PPM1E: variants seen among roughly 807,000 people sequenced by gnomAD.
PPM1E encodes protein phosphatase 1E.
A neutral mutation model predicts 65.9 loss-of-function variants in PPM1E; 20 were observed. The ratio of observed to expected loss-of-function variants is 0.30; its 90% CI spans 0.21 to 0.44. The LOEUF (loss-of-function observed/expected upper bound fraction) is 0.44, where lower values mean the gene tolerates loss of function less well. Ranked by LOEUF, PPM1E falls within the 20% of genes least tolerant of loss-of-function variation. PPM1E has a pLI of 1.00. For synonymous variants in PPM1E, 352 were observed against 374.9 expected, an observed-to-expected ratio of 0.94 and a Z score of 0.70; for missense variants, 713 against 953.1, an observed-to-expected ratio of 0.75 and a Z score of 3.32.
intron 1 of PPM1E, among the ~76,000 whole-genome samples, chr17:58,932,159 T>C (rs886871840): frequency 1.3e-5 from 2 of 151,812 alleles, no homozygotes; most frequent in African/African-American, 4.8e-5. Flanking sequence ...GGGTGAGAGA[T>C]AGTAGGAAGT....
chr17:58,870,038 G>A (rs1281054194), intron 1 of PPM1E, among the ~76,000 whole-genome samples: 2 of 152,138 alleles, frequency 1.3e-5, no homozygotes, highest in African/African-American at 4.8e-5. Context: ...CTACCTTTGA[G>A]CATGGTTGAT....
chr17:58,830,523 G>T (rs2050593142), intron 1 of PPM1E, among the ~76,000 whole-genome samples: 1 of 151,840 alleles, frequency 6.6e-6, no homozygotes, highest in African/African-American at 2.4e-5. Context: ...AGCCAGGATG[G>T]TCTCAATCTC....
chr17:58,946,177 C>T (rs1250169618), intron 1 of PPM1E, among the ~76,000 whole-genome samples: 4 of 152,092 alleles, frequency 2.6e-5, no homozygotes, highest in East Asian at 3.9e-4. Flanking sequence ...GATTTAGAAG[C>T]TCTATGTCAG....
At chr17:58,830,497 G>A (rs1462633339) in intron 1 of PPM1E, among the ~76,000 whole-genome samples, 6 of 150,976 alleles carry the variant, frequency 4.0e-5, no homozygotes, top group Admixed American at 2.0e-4. Flanking sequence ...TAGTAGAGAC[G>A]GGGTTTCACC....
chr17:58,801,474 T>C (rs2143053453), intron 1 of PPM1E, among the ~76,000 whole-genome samples: 1 of 150,668 alleles, frequency 6.6e-6, no homozygotes, highest in African/African-American at 2.4e-5. Flanking sequence ...TGGAGTCTCT[T>C]TCTATTGCCT....
At chr17:58,972,624 T>C (rs567541521) in intron 5 of PPM1E, among the ~76,000 whole-genome samples, 3 of 152,220 alleles carry the variant, frequency 2.0e-5, no homozygotes, top group Non-Finnish European at 4.4e-5. Flanking sequence ...GTACTGGGAT[T>C]ATAGGCGTGA....
rs374550322 is a variant in PPM1E, at chr17:58,891,312, A to G, written c.465-64337A>G. On this transcript the variant is annotated intron_variant, in intron 1 of 6. Coordinates refer to ENST00000308249, the MANE Select transcript of PPM1E (RefSeq NM_014906.5). ...GAATGAATCAATAAGCCTCTCTGCA[A>G]ATGGATTTATTATTATTATTATTAT... Among the ~76,000 whole-genome samples the G allele has an allele frequency of 2.6e-5, 4 of 151,676 alleles. No homozygotes were observed. The East Asian group carries it at 7.7e-4, about 29-fold the overall frequency.
At chr17:58,772,070 A>G (rs2049944399) in intron 1 of PPM1E, among the ~76,000 whole-genome samples, 1 of 152,190 alleles carries the variant, frequency 6.6e-6, no homozygotes, top group African/African-American at 2.4e-5. Flanking sequence ...CCAAGGTCAC[A>G]CAGTAAGTGT....
chr17:58,826,402 A>G (rs2050537165), intron 1 of PPM1E, among the ~76,000 whole-genome samples: 1 of 152,110 alleles, frequency 6.6e-6, no homozygotes. Flanking sequence ...ATTTATAAAT[A>G]GCTACAGATA....
At chr17:58,946,928 G>C (rs748584055) in intron 1 of PPM1E, among the ~76,000 whole-genome samples, 7 of 151,684 alleles carry the variant, frequency 4.6e-5, no homozygotes, top group Non-Finnish European at 8.8e-5. Context: ...ACTCTTTTAG[G>C]AGTTTTCTTT....
chr17:58,765,456 G>A (rs752765963), intron 1 of PPM1E, among the ~76,000 whole-genome samples: 24 of 151,958 alleles, frequency 1.6e-4, no homozygotes, highest in Admixed American at 7.2e-4. Context: ...GATTACAGGC[G>A]TGAGTCACCA....
chr17:58,809,672 T>TG (rs1309175708), intron 1 of PPM1E, among the ~76,000 whole-genome samples: 2 of 152,176 alleles, frequency 1.3e-5, no homozygotes, highest in Non-Finnish European at 2.9e-5. Context: ...CATGAGCCAC[T>TG]GTGCCCAGCC....
intron 1 of PPM1E, among the ~76,000 whole-genome samples, chr17:58,833,613 CT>C (rs1283379780): frequency 1.3e-5 from 2 of 151,940 alleles, no homozygotes; most frequent in Non-Finnish European, 1.5e-5. Context: ...ACCACATTTT[CT>C]TTATCCAGAC....
At chr17:58,968,092 G>A (rs762141757) in intron 3 of PPM1E, among the ~76,000 whole-genome samples, 19 of 152,076 alleles carry the variant, frequency 1.2e-4, no homozygotes, top group Admixed American at 7.9e-4. Flanking sequence ...GTGAGCCACC[G>A]CACCCGGCCA....
At chr17:58,967,843 C>G (rs2030355200) in intron 3 of PPM1E, among the ~76,000 whole-genome samples, 1 of 148,940 alleles carries the variant, frequency 6.7e-6, no homozygotes, top group Admixed American at 6.7e-5. Flanking sequence ...CTCGCTCTGT[C>G]TCCAGGCTGG....
chr17:58,941,349 A>G (rs1254071790), intron 1 of PPM1E, among the ~76,000 whole-genome samples: 1 of 152,180 alleles, frequency 6.6e-6, no homozygotes, highest in Non-Finnish European at 1.5e-5. Flanking sequence ...TTACCTACAT[A>G]TATATGTGAA....
chr17:58,878,281 T>G (rs1414107990), intron 1 of PPM1E, among the ~76,000 whole-genome samples: 1 of 152,096 alleles, frequency 6.6e-6, no homozygotes, highest in Non-Finnish European at 1.5e-5. Context: ...TCGTTCTTGT[T>G]GCCCAAGCTG....
At chr17:58,851,777 A>G (rs183211204) in intron 1 of PPM1E, among the ~76,000 whole-genome samples, 12 of 152,304 alleles carry the variant, frequency 7.9e-5, no homozygotes, top group African/African-American at 4.8e-5. Flanking sequence ...CTCAAATTCC[A>G]TGCTGGGAGA....
intron 1 of PPM1E, among the ~76,000 whole-genome samples, chr17:58,773,770 A>G (rs2049963862): frequency 6.6e-6 from 1 of 152,176 alleles, no homozygotes; most frequent in African/African-American, 2.4e-5. Flanking sequence ...CATCAAAATT[A>G]TCTCGAGTGT....
Sources: gnomAD v4.1 joint callset for allele counts (sites outside exome capture counted in the v4.1 genomes callset) on GRCh38, gnomAD v4.1.1 for gene constraint, MANE v1.5 for transcripts, NCBI Gene and HGNC (gene_info 2026-07-23, HGNC 2026-07-21) for gene names.